Variants in PCDHGA6 observed in about 807,000 individuals in gnomAD.
The protein encoded by PCDHGA6 is protocadherin gamma subfamily A, 6.
A neutral mutation model predicts 60.6 loss-of-function variants in PCDHGA6; 41 were observed. The ratio of observed to expected loss-of-function variants is 0.68; its 90% CI spans 0.53 to 0.88. The LOEUF (loss-of-function observed/expected upper bound fraction) is 0.88. PCDHGA6 is among the 40% of genes least tolerant of loss of function. The pLI, the probability that PCDHGA6 is intolerant of heterozygous loss-of-function variation, is 0.00. For synonymous variants in PCDHGA6, 594 were observed against 524.4 expected (o/e 1.13, Z -1.81); for missense variants, 1,312 against 1,203.0 (o/e 1.09, Z -1.34).
chr5:141,436,089 T>C (rs1001252646), intron 1 of PCDHGA6, among the ~76,000 whole-genome samples: 1 of 152,204 alleles, frequency 6.6e-6, no homozygotes, highest in Non-Finnish European at 1.5e-5. Context: ...ATAGGTAATA[T>C]TGAGAGAAAT....
chr5:141,405,471 A>C, intron 1 of PCDHGA6: 6 of 1,084,370 alleles, frequency 5.5e-6, no homozygotes, highest in Non-Finnish European at 7.9e-6. Context: ...CCAGGCTGGA[A>C]TGCAGTGGTG....
chr5:141,450,258 T>A (rs1267755848), intron 1 of PCDHGA6, among the ~76,000 whole-genome samples: 1 of 152,096 alleles, frequency 6.6e-6, no homozygotes, highest in Non-Finnish European at 1.5e-5. Context: ...CCTCAAGTGA[T>A]CTGCCCACCT....
chr5:141,424,005 C>A, intron 1 of PCDHGA6: 1 of 1,070,322 alleles, frequency 9.3e-7, no homozygotes. Context: ...TATATAGATA[C>A]AAATTAATGA....
At chr5:141,422,546 GGC>G in intron 1 of PCDHGA6, 8 of 1,613,972 alleles carry the variant, frequency 5.0e-6, no homozygotes, top group Non-Finnish European at 6.8e-6. Flanking sequence ...ACTCATGTCT[GGC>G]TGAATGTGGC....
At chr5:141,414,143 T>C (rs887054185) in intron 1 of PCDHGA6, 1 of 1,597,122 alleles carries the variant, frequency 6.3e-7, no homozygotes, top group Non-Finnish European at 8.5e-7. Flanking sequence ...GAAATAGAAA[T>C]ACAAGCAGAA....
chr5:141,376,255 G>A lies in PCDHGA6; in HGVS notation c.2172G>A (p.Leu724=), dbSNP rs1380740739. The stretch of plus-strand genomic sequence containing the variant: ...TGCAGCGCTGGCACAAGTCACGCCT[G>A]CTGCAGGCTTCGGGAGGTGGCTTAG... The part of the protein sequence containing the change: ...LRLQRWHKSR[L]LQASGGGLAS... The change falls in exon 1 of 4, where the codon CTG becomes CTA. Residue 724 remains leucine (L), a synonymous_variant. Coordinates refer to ENST00000517434, the MANE Select transcript of PCDHGA6 (RefSeq NM_018919.3). 6 of 1,614,256 alleles carry A rather than the reference G, an allele frequency of 3.7e-6. No individual in the cohort carries two copies. The highest frequency in any genetic ancestry group is 3.4e-6 in the Non-Finnish European group (4 of 1,180,050).
rs368718827 is a variant in PCDHGA6, at chr5:141,410,231, G to A, written c.2424+33724G>A. On this transcript the variant is annotated intron_variant, in intron 1 of 3. Transcript: ENST00000517434. ...GCAAGAGATACTGCCAGACCTCAGC[G>A]ACCGCCCTGTACTCTCTGACCCCCA... 8.7e-6 allele frequency: 14 copies of A among 1,613,888 alleles called. No homozygotes were observed. The highest frequency in any genetic ancestry group is 1.6e-4 in the Middle Eastern group (1 of 6,084).
intron 1 of PCDHGA6, chr5:141,415,030 G>A (rs374572942): frequency 1.2e-6 from 2 of 1,613,460 alleles, no homozygotes; most frequent in African/African-American, 2.7e-5. Flanking sequence ...CAGCGAGCCG[G>A]GACTCTTCGC....
chr5:141,374,122 G>C lies in PCDHGA6; in HGVS notation c.39G>C (p.Gln13His). ...AGAGGCATCCGCAGCGCAGCGAGCA[G>C]GTCCTGCTCCTCACGCTCCTGGGGA... ...PPQRHPQRSE[Q>H]VLLLTLLGTL... Residue 13 changes from glutamine (Q) to histidine (H), a missense_variant, in exon 1 of 4, where the codon CAG becomes CAC. Gln to His is a conservative substitution (Grantham distance 24, BLOSUM62 0). Transcript: ENST00000517434. The C allele has an allele frequency of 3.1e-6, 5 of 1,597,596 alleles. No individual in the cohort carries two copies. The highest frequency in any genetic ancestry group is 4.3e-6 in the Non-Finnish European group (5 of 1,170,302).
chr5:141,432,476 A>G lies in PCDHGA6; in HGVS notation c.2424+55969A>G. 1 of 1,614,080 alleles carries G rather than the reference A, an allele frequency of 6.2e-7. No homozygotes were observed. Among genetic ancestry groups the G allele is most frequent in the East Asian group, 2.2e-5 (1 of 44,874 alleles). ...CCCCGCCCTCCCCACGGACGGTTCCACTGGCGTGGAGCTGGCTCCCCGCTC... is the reference window on the plus strand; with the variant it reads ...CCCCGCCCTCCCCACGGACGGTTCCGCTGGCGTGGAGCTGGCTCCCCGCTC... On this transcript the variant is annotated intron_variant, in intron 1 of 3. Transcript: ENST00000517434. The surrounding 1 kb of genome is among the most constrained non-coding windows in gnomAD (Gnocchi z 6.0).
chr5:141,475,644 A>C (rs1021491842), intron 1 of PCDHGA6, among the ~76,000 whole-genome samples: 2 of 152,238 alleles, frequency 1.3e-5, no homozygotes, highest in Non-Finnish European at 2.9e-5. Context: ...TCTTGTGATC[A>C]AAGAAAGTGA....
At chr5:141,500,167 A>C (rs976308963) in intron 2 of PCDHGA6, among the ~76,000 whole-genome samples, 1 of 150,656 alleles carries the variant, frequency 6.6e-6, no homozygotes, top group African/African-American at 2.4e-5. Context: ...AAGAACATGC[A>C]TGAGCTTCAT....
intron 1 of PCDHGA6, among the ~76,000 whole-genome samples, chr5:141,437,556 T>C (rs1427506223): frequency 6.6e-6 from 1 of 152,228 alleles, no homozygotes; most frequent in African/African-American, 2.4e-5. Context: ...CTTTATGACA[T>C]GTAACAGAGT....
At chr5:141,422,074 C>A (rs886758924) in intron 1 of PCDHGA6, 1 of 1,612,264 alleles carries the variant, frequency 6.2e-7, no homozygotes, top group African/African-American at 1.3e-5. Flanking sequence ...GTATTCATTT[C>A]GGAACATGGA....
At position 141,394,517 on chromosome 5, in the gene PCDHGA6, C is replaced by T. The variant is rs1226195225; in HGVS notation, c.2424+18010C>T. On this transcript the variant is annotated intron_variant, in intron 1 of 3. Transcript: ENST00000517434. ...CCGAGATCCTGTACCCCGCCCTCCC[C>T]ACAGACGGTTCCACTGGCGTGGAGC... 5 of 1,614,116 alleles carry T rather than the reference C, an allele frequency of 3.1e-6. No individual in the cohort carries two copies. The Admixed American group carries it at 5.0e-5, about 16-fold the overall frequency.
chr5:141,503,046 G>T (rs1187153008), intron 2 of PCDHGA6, among the ~76,000 whole-genome samples: 1 of 151,658 alleles, frequency 6.6e-6, no homozygotes, highest in Non-Finnish European at 1.5e-5. Flanking sequence ...GTTGAGACAG[G>T]GTTTCACCAT....
At position 141,487,796 on chromosome 5, in the gene PCDHGA6, T is replaced by C. The variant is rs766798983; in HGVS notation, c.2425-7011T>C. ...TAACTGTTTCGTGAATTAACCAGAG[T>C]TGTCACAGTTTAGCATTGGGGGCGG... On this transcript the variant is annotated intron_variant, in intron 1 of 3. Coordinates refer to ENST00000517434, the MANE Select transcript of PCDHGA6 (RefSeq NM_018919.3). The surrounding 1 kb of genome is among the most constrained non-coding windows in gnomAD (Gnocchi z 5.0). 15 of 1,498,660 alleles carry C rather than the reference T, an allele frequency of 1.0e-5. No homozygotes were observed. The highest frequency in any genetic ancestry group is 1.4e-5 in the Non-Finnish European group (15 of 1,110,900). 92.8% of individuals were successfully genotyped at this position (1,498,660 alleles called of 1,614,324 possible). A position where few individuals can be genotyped will look rare whatever the true frequency, so the allele number is the denominator to read the frequency against.
At chr5:141,445,612 CT>C (rs996122021) in intron 1 of PCDHGA6, among the ~76,000 whole-genome samples, 1 of 151,994 alleles carries the variant, frequency 6.6e-6, no homozygotes, top group Non-Finnish European at 1.5e-5. Flanking sequence ...GGAAGGCTTT[CT>C]TTTTTTCGGA....
chr5:141,383,941 A>G (rs754217444), intron 1 of PCDHGA6: 1 of 1,613,742 alleles, frequency 6.2e-7, no homozygotes, highest in African/African-American at 1.3e-5. Flanking sequence ...TCCAGAAGTG[A>G]CTATGACGTC....
Sources: allele counts gnomAD v4.1 joint callset (sites outside exome capture counted in the v4.1 genomes callset), GRCh38; gene constraint gnomAD v4.1.1; non-coding constraint Gnocchi (gnomAD v3.1); transcripts MANE v1.5; gene names NCBI Gene and HGNC (gene_info 2026-07-23, HGNC 2026-07-21).